VASH1: variants seen among roughly 807,000 people sequenced by gnomAD.
The protein encoded by VASH1 is tubulinyl-Tyr carboxypeptidase 1.
VASH1 carries 16 observed loss-of-function variants against 35.0 expected under a neutral mutation model. The ratio of observed to expected loss-of-function variants is 0.46; its 90% CI spans 0.31 to 0.70. The LOEUF (loss-of-function observed/expected upper bound fraction) is 0.70, where lower values mean the gene tolerates loss of function less well. Ranked by LOEUF, VASH1 falls within the 30% of genes least tolerant of loss-of-function variation. VASH1 has a pLI of 0.05. For missense variants in VASH1, 505 were observed against 510.7 expected (o/e 0.99, Z 0.11); for synonymous variants, 214 against 200.9 (o/e 1.07, Z -0.55).
chr14:76,762,252 C>G lies in VASH1; in HGVS notation c.-570C>G, dbSNP rs1040298197. On this transcript the variant is annotated 5_prime_UTR_variant, in exon 1 of 7. Transcript: ENST00000167106. ...CTCGTCGCGTCGGAGAAATCGCCCC[C>G]CAGCGCCGCTCTCCCGCCCGGGGGT... The G allele has an allele frequency of 5.9e-5, 9 of 152,170 alleles. No homozygotes were observed. The highest frequency in any genetic ancestry group is 1.9e-4 in the African/African-American group (8 of 41,444). The allele number at this position is 152,170 out of a possible 1,614,324, so 9.4% of individuals were successfully genotyped here.
At chr14:76,776,677 A>G (rs1362207144) in intron 5 of VASH1, among the ~76,000 whole-genome samples, 1 of 152,134 alleles carries the variant, frequency 6.6e-6, no homozygotes, top group East Asian at 1.9e-4. Context: ...GTGGAAGACA[A>G]TGAGGGCAGT....
intron 4 of VASH1, among the ~76,000 whole-genome samples, chr14:76,775,528 C>T (rs1335856658): frequency 1.3e-5 from 2 of 152,020 alleles, no homozygotes; most frequent in Non-Finnish European, 2.9e-5. Flanking sequence ...TGCCAAGGTG[C>T]GGGATGGAGG....
At chr14:76,771,745 G>A (rs772366687) in intron 3 of VASH1, among the ~76,000 whole-genome samples, 3 of 152,182 alleles carry the variant, frequency 2.0e-5, no homozygotes, top group African/African-American at 7.2e-5. Flanking sequence ...CTGAGCACAG[G>A]GAGCTCCCTG....
In VASH1 at chr14:76,782,303, A is replaced by C. The variant is rs1314481079; in HGVS notation, c.*3285A>C. The C allele has an allele frequency of 1.3e-5, 2 of 152,212 alleles. No individual in the cohort carries two copies. The highest frequency in any genetic ancestry group is 2.9e-5 in the Non-Finnish European group (2 of 68,060). 9.4% of individuals were successfully genotyped at this position (152,212 alleles called of 1,614,324 possible). On this transcript the variant is annotated 3_prime_UTR_variant, in exon 7 of 7. Transcript: ENST00000167106. Reference sequence around the variant, plus strand: ...CCTCTGGCCTTGGGATGTGATGATAAAGCAAGCCTAGGGCCAGGGTTTGGG... The same window carrying C: ...CCTCTGGCCTTGGGATGTGATGATACAGCAAGCCTAGGGCCAGGGTTTGGG...
chr14:76,773,546 A>C (rs1860681477), intron 4 of VASH1: 1 of 401,998 alleles, frequency 2.5e-6, no homozygotes, highest in African/African-American at 2.1e-5. Flanking sequence ...CAAGAACTAG[A>C]CAGTCTGGGA....
chr14:76,775,234 C>T (rs752276961), intron 4 of VASH1, among the ~76,000 whole-genome samples: 1 of 152,084 alleles, frequency 6.6e-6, no homozygotes, highest in African/African-American at 2.4e-5. Flanking sequence ...TGGACGGTGG[C>T]GCAGGCTCAG....
intron 5 of VASH1, among the ~76,000 whole-genome samples, chr14:76,777,106 T>C (rs1056550387): frequency 1.3e-5 from 2 of 152,198 alleles, no homozygotes; most frequent in Non-Finnish European, 1.5e-5. Flanking sequence ...CCCAGGTGTG[T>C]TGCAGGTGCC....
intron 1 of VASH1, among the ~76,000 whole-genome samples, chr14:76,768,098 G>A (rs1331572240): frequency 1.3e-5 from 2 of 152,240 alleles, no homozygotes; most frequent in Non-Finnish European, 2.9e-5. Flanking sequence ...CCTGGCAGGG[G>A]CTGCCACCTG....
chr14:76,779,539 C>T lies in VASH1; in HGVS notation c.*521C>T. ...AGGGAAAGGGAAGCAGGGTAGGAGTCCTTCTGAGAAAGGTCTGTGTAGCCC... is the reference window on the plus strand; with the variant it reads ...AGGGAAAGGGAAGCAGGGTAGGAGTTCTTCTGAGAAAGGTCTGTGTAGCCC... On this transcript the variant is annotated 3_prime_UTR_variant, in exon 7 of 7. Coordinates refer to ENST00000167106, the MANE Select transcript of VASH1 (RefSeq NM_014909.5). The T allele has an allele frequency of 1.4e-6, 1 of 694,114 alleles. No individual in the cohort carries two copies. The highest frequency in any genetic ancestry group is 2.6e-6 in the Non-Finnish European group (1 of 380,604). 43.0% of individuals were successfully genotyped at this position (694,114 alleles called of 1,614,324 possible). A position where few individuals can be genotyped will look rare whatever the true frequency, so the allele number is the denominator to read the frequency against.
At chr14:76,774,959 GGCCGAGCCGGT>G (rs1893893807) in intron 4 of VASH1, 2 of 152,202 alleles carry the variant, frequency 1.3e-5, no homozygotes, top group Admixed American at 6.5e-5. Flanking sequence ...TAGGACAATG[GGCCGAGCCGGT>G]GCCGTGAGAC....
chr14:76,771,467 C>T (rs7149161), intron 3 of VASH1, among the ~76,000 whole-genome samples: 1,609 of 152,298 alleles, frequency 0.011, 33 homozygotes, highest in African/African-American at 0.037. Flanking sequence ...AAGGAAATCC[C>T]GGGTCCATGC....
chr14:76,776,029 G>A lies in VASH1; in HGVS notation c.668G>A (p.Arg223His). The A allele has an allele frequency of 1.9e-6, 3 of 1,612,228 alleles. No individual in the cohort carries two copies. Among genetic ancestry groups the A allele is most frequent in the Non-Finnish European group, 2.5e-6 (3 of 1,179,778 alleles). Residue 223 changes from arginine to histidine, a missense_variant, in exon 5 of 7, where the codon CGC (arginine) becomes CAC (histidine). By Grantham distance (29) the Arg-to-His change is conservative (BLOSUM62 0). Transcript: ENST00000167106. ...TACGGTGCGCTGGGCATGAGTCGGC[G>A]CGAGGACCTGATGTACAAGCCGCCC... The part of the protein sequence containing the change: ...GRYGALGMSR[R>H]EDLMYKPPAF...
At chr14:76,769,879 C>T in intron 1 of VASH1, 84 bp from the exon 2 acceptor site, 1 of 1,451,006 alleles carries the variant, frequency 6.9e-7, no homozygotes, top group Non-Finnish European at 9.6e-7. Flanking sequence ...TGGGGCGCCT[C>T]TGGGGCCAGT....
At position 76,775,997 on chromosome 14, in the gene VASH1, G is replaced by A. The variant is rs746114066; in HGVS notation, c.636G>A (p.Ala212=). Residue 212 remains alanine, a synonymous_variant, in exon 5 of 7, where the codon GCG becomes GCA. Coordinates refer to ENST00000167106, the MANE Select transcript of VASH1 (RefSeq NM_014909.5). ...ACATCGTGCTGGGGGTGAACTTCGCGGGCCGCTACGGTGCGCTGGGCATGA... is the reference window on the plus strand; with the variant it reads ...ACATCGTGCTGGGGGTGAACTTCGCAGGCCGCTACGGTGCGCTGGGCATGA... ...FRHIVLGVNF[A]GRYGALGMSR... 17 of 1,612,802 alleles carry A rather than the reference G, an allele frequency of 1.1e-5. No individual in the cohort carries two copies. In the East Asian group the frequency reaches 3.6e-4, roughly 34 times the overall value.
At chr14:76,769,496 C>T (rs906468788) in intron 1 of VASH1, 6 of 1,288,268 alleles carry the variant, frequency 4.7e-6, no homozygotes, top group South Asian at 3.7e-5. Context: ...CAAGGATGCT[C>T]ACCCCCCTCA....
At position 76,771,240 on chromosome 14, in the gene VASH1, T is replaced by C. The variant is rs1359171693; in HGVS notation, c.449T>C (p.Leu150Pro). 1.9e-6 allele frequency: 3 copies of C among 1,602,362 alleles called. No homozygotes were observed. The highest frequency in any genetic ancestry group is 2.6e-6 in the Non-Finnish European group (3 of 1,174,420). ...TTTGAAATTAAGAAGAGCAGACCTC[T>C]GACAGGGTAAGTATGGGGAGGCCAG... is the stretch of plus-strand genomic sequence containing the variant. ...QFFEIKKSRP[L>P]TGLMDLAKEM... is the part of the protein sequence containing the mutation. The change falls in exon 3 of 7, where the codon CTG becomes CCG. Residue 150 changes from leucine to proline, a missense_variant. Leu to Pro is a moderately conservative substitution (Grantham distance 98). Transcript: ENST00000167106.
In VASH1 at chr14:76,762,289, G is replaced by A. The variant is rs1243282233; in HGVS notation, c.-533G>A. On this transcript the variant is annotated 5_prime_UTR_variant, in exon 1 of 7. Coordinates refer to ENST00000167106, the MANE Select transcript of VASH1 (RefSeq NM_014909.5). Reference sequence around the variant, plus strand: ...TCCCGCCCGGGGGTCTTGGTTCCGAGCTCGCGCGGCCGGGAGTCGCCTCGG... The same window carrying A: ...TCCCGCCCGGGGGTCTTGGTTCCGAACTCGCGCGGCCGGGAGTCGCCTCGG... 1 of 152,324 alleles carries A rather than the reference G, an allele frequency of 6.6e-6. No homozygotes were observed. The highest frequency in any genetic ancestry group is 2.4e-5 in the African/African-American group (1 of 41,482). The allele number at this position is 152,324 out of a possible 1,614,324, so 9.4% of individuals were successfully genotyped here.
intron 1 of VASH1, among the ~76,000 whole-genome samples, chr14:76,767,283 TAAAA>T (rs1175775240): frequency 2.0e-5 from 3 of 151,000 alleles, no homozygotes; most frequent in Non-Finnish European, 4.4e-5. Context: ...AATAAATAAA[TAAAA>T]AGTCACGACT....
Position 76,779,145 on chromosome 14 carries a change from G to C in VASH1, c.*127G>C. 2.8e-6 allele frequency: 3 copies of C among 1,085,638 alleles called. No individual in the cohort carries two copies. The highest frequency in any genetic ancestry group is 1.3e-5 in the South Asian group (1 of 77,860). 67.3% of individuals were successfully genotyped at this position (1,085,638 alleles called of 1,614,324 possible). ...GGGCAAGAGGCTGCAGGAAGAGTGTGTTCCAGCTCAGCCCCCCAAGCTGCT... is the reference window on the plus strand; with the variant it reads ...GGGCAAGAGGCTGCAGGAAGAGTGTCTTCCAGCTCAGCCCCCCAAGCTGCT... On this transcript the variant is annotated 3_prime_UTR_variant, in exon 7 of 7. Coordinates refer to ENST00000167106, the MANE Select transcript of VASH1 (RefSeq NM_014909.5).
Sources: allele counts gnomAD v4.1 joint callset (sites outside exome capture counted in the v4.1 genomes callset), GRCh38; gene constraint gnomAD v4.1.1; transcripts MANE v1.5; gene names NCBI Gene and HGNC (gene_info 2026-07-23, HGNC 2026-07-21).